The following RGS22 variants were observed in gnomAD, a reference collection of about 807,000 sequenced individuals.
The protein encoded by RGS22 is regulator of G protein signaling 22, also known as regulator of G-protein signaling 22.
In RGS22, 148 loss-of-function variants were observed where a neutral mutation model predicts 172.9. That is an observed-to-expected ratio of 0.86 (90% confidence interval 0.75 to 0.98). RGS22 has a LOEUF of 0.98. RGS22 is among the 50% of genes least tolerant of loss of function. RGS22 has a pLI of 0.00. For synonymous variants in RGS22, 458 were observed against 480.2 expected (o/e 0.95, Z 0.60); for missense variants, 1,347 against 1,440.8 (o/e 0.93, Z 1.05).
intron 2 of RGS22, among the ~76,000 whole-genome samples, chr8:100,097,878 G>A (rs1428335068): frequency 6.6e-6 from 1 of 152,066 alleles, no homozygotes; most frequent in African/African-American, 2.4e-5. Context: ...TTTAATACAA[G>A]GGATCCATTG....
In RGS22 at chr8:100,061,649, A is replaced by C. The variant is rs1810142391; in HGVS notation, c.1514+942T>G. ...TATTAGTAAAAAGTCAAAAAATAAC[A>C]GATGCTGATGAGGTTGTGGAGAAAA... On this transcript the variant is annotated intron_variant, in intron 9 of 27. Coordinates refer to ENST00000360863, the MANE Select transcript of RGS22 (RefSeq NM_015668.5). 2.0e-5 allele frequency among the ~76,000 whole-genome samples: 3 copies of C among 152,202 alleles called. No homozygotes were observed. In the South Asian group the frequency reaches 6.2e-4, roughly 32 times the overall value.
intron 3 of RGS22, among the ~76,000 whole-genome samples, chr8:100,083,788 T>A (rs1205968902): frequency 6.6e-6 from 1 of 151,840 alleles, no homozygotes; most frequent in Non-Finnish European, 1.5e-5. Flanking sequence ...GTTATCACTA[T>A]GCAACTGCTT....
At chr8:100,032,072 T>A (rs1314857472) in intron 14 of RGS22, among the ~76,000 whole-genome samples, 1 of 152,126 alleles carries the variant, frequency 6.6e-6, no homozygotes, top group East Asian at 1.9e-4. Context: ...CATACCAAAT[T>A]GCAAAGACCA....
Position 100,063,427 on chromosome 8 carries a change from T to C in RGS22, c.1341A>G (p.Gly447=), listed in dbSNP as rs757458200. 1 of 1,576,984 alleles carries C rather than the reference T, an allele frequency of 6.3e-7. No individual in the cohort carries two copies. The highest frequency in any genetic ancestry group is 1.2e-5 in the South Asian group (1 of 83,482). Residue 447 remains glycine (G), a synonymous_variant, in exon 8 of 28, where the codon GGA becomes GGG. Coordinates refer to ENST00000360863, the MANE Select transcript of RGS22 (RefSeq NM_015668.5). ...AAAAATAGAATTACCTTTGATGTCTTCCAGGATCCTTAAGAACTTTTAACC... is the reference window on the plus strand; with the variant it reads ...AAAAATAGAATTACCTTTGATGTCTCCCAGGATCCTTAAGAACTTTTAACC... ...IERLKVLKDP[G]RHQRHLEKMK...
Position 100,080,315 on chromosome 8 carries a change from A to C in RGS22, c.158T>G (p.Val53Gly). 6.2e-7 allele frequency: 1 copy of C among 1,613,298 alleles called. No homozygotes were observed. The highest frequency in any genetic ancestry group is 1.1e-5 in the South Asian group (1 of 91,010). ...EAIRFNADYG[V>G]FEVANDAPQF... Reference sequence around the variant, plus strand: ...TGGAGCATCATTAGCTACTTCAAAAACTCCATAATCTGCATTAAATCTAAT... The same window carrying C: ...TGGAGCATCATTAGCTACTTCAAAACCTCCATAATCTGCATTAAATCTAAT... The change falls in exon 4 of 28, where the codon GTT becomes GGT. Residue 53 changes from valine (V) to glycine (G), a missense_variant. By Grantham distance (109) the Val-to-Gly change is moderately radical. Coordinates refer to ENST00000360863, the MANE Select transcript of RGS22 (RefSeq NM_015668.5).
intron 6 of RGS22, among the ~76,000 whole-genome samples, chr8:100,070,778 T>C (rs908345274): frequency 6.6e-6 from 1 of 152,174 alleles, no homozygotes; most frequent in African/African-American, 2.4e-5. Context: ...TTTTTTCTGT[T>C]CAGGTAATAC....
rs561189485 is a variant in RGS22 at position 100,063,114 on chromosome 8, C to A, written c.1352+302G>T. 2.0e-5 allele frequency among the ~76,000 whole-genome samples: 3 copies of A among 152,138 alleles called. No homozygotes were observed. In the East Asian group the frequency reaches 5.8e-4, roughly 29 times the overall value. The stretch of plus-strand genomic sequence containing the variant: ...ATTTTATTCTATAAAAATTATACAT[C>A]ATTTTAATGTTATAAAAATGAAAAT... On this transcript the variant is annotated intron_variant, in intron 8 of 27. Transcript: ENST00000360863.
In RGS22 at chr8:100,017,834, G is replaced by A. The variant is rs112335467; in HGVS notation, c.2167-9265C>T. ...CAAATCATTTGCTTTTTTACTGGCC[G>A]CCCAGTTCTTCCTTTCTAGCCACAG... On this transcript the variant is annotated intron_variant, in intron 14 of 27. Coordinates refer to ENST00000360863, the MANE Select transcript of RGS22 (RefSeq NM_015668.5). Among the ~76,000 whole-genome samples, 8 of 152,068 alleles carry A rather than the reference G, an allele frequency of 5.3e-5. 1 individual carries two copies. The highest frequency in any genetic ancestry group is 1.7e-4 in the African/African-American group (7 of 41,480).
Position 100,036,736 on chromosome 8 carries a change from C to A in RGS22, c.2166+2195G>T, listed in dbSNP as rs373035260. The stretch of plus-strand genomic sequence containing the variant: ...ACCTCAGCCTCTTCAGTACCTACGA[C>A]TACAGGTGCACATCACTATGCCTGG... On this transcript the variant is annotated intron_variant, in intron 14 of 27. Coordinates refer to ENST00000360863, the MANE Select transcript of RGS22 (RefSeq NM_015668.5). Among the ~76,000 whole-genome samples the A allele has an allele frequency of 7.3e-5, 11 of 151,622 alleles. No individual in the cohort carries two copies. The East Asian group carries it at 1.7e-3, about 24-fold the overall frequency.
intron 3 of RGS22, among the ~76,000 whole-genome samples, chr8:100,090,908 G>C (rs1333096679): frequency 1.3e-5 from 2 of 151,932 alleles, no homozygotes; most frequent in African/African-American, 4.8e-5. Flanking sequence ...CCCTAGACAG[G>C]GTTTTGAACA....
chr8:100,035,937 A>T (rs978535973), intron 14 of RGS22, among the ~76,000 whole-genome samples: 1 of 152,156 alleles, frequency 6.6e-6, no homozygotes. Context: ...GGCAGAGAAC[A>T]TCACACACTG....
At chr8:99,962,501 A>G in intron 26 of RGS22, 58 bp from the exon 27 acceptor site, 3 of 1,557,780 alleles carry the variant, frequency 1.9e-6, no homozygotes, top group Non-Finnish European at 2.7e-6. Context: ...AGCAGAGGAG[A>G]GGAACAGAGA....
chr8:100,053,783 G>A (rs1821955718), intron 9 of RGS22, among the ~76,000 whole-genome samples: 1 of 151,900 alleles, frequency 6.6e-6, no homozygotes, highest in South Asian at 2.1e-4. Flanking sequence ...CTACAGGCGT[G>A]TGCCACCATG....
chr8:99,985,193 C>T (rs75264529), intron 21 of RGS22, among the ~76,000 whole-genome samples: 2,435 of 152,222 alleles, frequency 0.016, 78 homozygotes, highest in African/African-American at 0.054. Flanking sequence ...ATTTCTTGGC[C>T]TTTCTGTGCA....
At chr8:100,058,297 A>G (rs1456242265) in intron 9 of RGS22, among the ~76,000 whole-genome samples, 1 of 152,162 alleles carries the variant, frequency 6.6e-6, no homozygotes, top group Non-Finnish European at 1.5e-5. Flanking sequence ...TCAAAGGGAT[A>G]ATAACAGAGA....
At chr8:100,049,243 T>G (rs911531632) in intron 10 of RGS22, among the ~76,000 whole-genome samples, 5 of 152,202 alleles carry the variant, frequency 3.3e-5, no homozygotes, top group African/African-American at 1.2e-4. Flanking sequence ...AATGTATACT[T>G]TTGTCCAAAT....
intron 18 of RGS22, among the ~76,000 whole-genome samples, chr8:100,000,835 A>G (rs1041540407): frequency 2.6e-5 from 4 of 152,194 alleles, no homozygotes; most frequent in Admixed American, 2.6e-4. Context: ...GCTTAATTCC[A>G]GAATTCCTGC....
rs560510319 is a variant in RGS22 at position 100,045,113 on chromosome 8, C to CA, written c.1823+2349dup. 8.0e-4 allele frequency among the ~76,000 whole-genome samples: 115 copies of CA among 143,496 alleles called. 1 individual carries two copies. Among genetic ancestry groups the CA allele is most frequent in the Middle Eastern group, 7.4e-3 (2 of 272 alleles). 94.1% of individuals were successfully genotyped at this position (143,496 alleles called of 152,430 possible). A position where few individuals can be genotyped will look rare whatever the true frequency, so the allele number is the denominator to read the frequency against. The stretch of plus-strand genomic sequence containing the variant: ...GCAACATTGAGAGAACCCATCTCTA[C>CA]AAAAAAAAAAATTAGTCAGGCATGG... On this transcript the variant is annotated intron_variant, in intron 11 of 27. Transcript: ENST00000360863.
At chr8:99,964,477 C>CAAAAA (rs34613354) in intron 24 of RGS22, among the ~76,000 whole-genome samples, 1 of 55,254 alleles carries the variant, frequency 1.8e-5, no homozygotes. Flanking sequence ...GACCCTGTCT[C>CAAAAA]AAAAAAAAAA....
Sources: allele counts gnomAD v4.1 joint callset (sites outside exome capture counted in the v4.1 genomes callset), GRCh38; gene constraint gnomAD v4.1.1; transcripts MANE v1.5; gene names NCBI Gene and HGNC (gene_info 2026-07-23, HGNC 2026-07-21).